GTF2I: variants seen among roughly 807,000 people sequenced by gnomAD.
The protein encoded by GTF2I is general transcription factor IIi.
GTF2I carries 12 observed loss-of-function variants against 67.6 expected under a neutral mutation model. That is an observed-to-expected ratio of 0.18 (90% CI 0.11 to 0.29). GTF2I has a LOEUF of 0.29. Among genes scored for constraint, GTF2I ranks in the 10% least tolerant of loss-of-function variants. The pLI is 1.00. For synonymous variants in GTF2I, 149 were observed against 197.0 expected (o/e 0.76, Z 2.04); for missense variants, 271 against 580.1 (o/e 0.47, Z 5.47).
intron 1 of GTF2I, among the ~76,000 whole-genome samples, chr7:74,673,561 A>G (rs778027265): frequency 6.7e-6 from 1 of 150,264 alleles, no homozygotes; most frequent in Non-Finnish European, 1.5e-5. Flanking sequence ...TTGTATTTTT[A>G]GTAGAGACAA....
At position 74,725,323 on chromosome 7, in the gene GTF2I, C is replaced by T. The variant is rs587614685; in HGVS notation, c.944-3463C>T. Among the ~76,000 whole-genome samples the T allele has an allele frequency of 2.0e-5, 3 of 152,166 alleles. No homozygotes were observed. The South Asian group carries it at 6.2e-4, about 32-fold the overall frequency. On this transcript the variant is annotated intron_variant, in intron 12 of 34. Transcript: ENST00000573035. ...GCCATGTTCCATATGACTTAAAACACCCAAAGATTAATTAATAAGTTTATG... is the reference window on the plus strand; with the variant it reads ...GCCATGTTCCATATGACTTAAAACATCCAAAGATTAATTAATAAGTTTATG...
intron 1 of GTF2I, among the ~76,000 whole-genome samples, chr7:74,686,710 G>A (rs1787753577): frequency 6.6e-6 from 1 of 152,100 alleles, no homozygotes; most frequent in South Asian, 2.1e-4. Context: ...AATTCACTTA[G>A]TTTTATCCAA....
Position 74,689,348 on chromosome 7 carries a change from CTTTTTTTTTTTTT to C in GTF2I, c.99+133_99+145del, listed in dbSNP as rs1162860651. On this transcript the variant is annotated intron_variant, in intron 2 of 34. Transcript: ENST00000573035. ...AGTTTTAATGAGTACTTTTTCTTTA[CTTTTTTTTTTTTT>C]TTTTTTTTTTTGAGACGGAGTCTTG... 5.4e-4 allele frequency: 79 copies of C among 145,272 alleles called. 1 individual carries two copies. Among genetic ancestry groups the C allele is most frequent in the African/African-American group, 3.1e-3 (70 of 22,830 alleles). The allele number at this position is 145,272 out of a possible 1,614,324, so 9.0% of individuals were successfully genotyped here.
chr7:74,658,569 T>C (rs1157919274), intron 1 of GTF2I, among the ~76,000 whole-genome samples: 1 of 149,354 alleles, frequency 6.7e-6, no homozygotes, highest in African/African-American at 2.5e-5. Context: ...CTGGTGTATC[T>C]GGGGCTCCTG....
At chr7:74,712,861 G>A (rs781868266) in intron 9 of GTF2I, among the ~76,000 whole-genome samples, 2 of 151,886 alleles carry the variant, frequency 1.3e-5, no homozygotes, top group Non-Finnish European at 2.9e-5. Flanking sequence ...AATACAGTTC[G>A]TTTTTTCGTT....
Position 74,679,363 on chromosome 7 carries a change from G to C in GTF2I, c.-5-9761G>C, listed in dbSNP as rs587723403. On this transcript the variant is annotated intron_variant, in intron 1 of 34. Coordinates refer to ENST00000573035, the MANE Select transcript of GTF2I (RefSeq NM_032999.4). Reference sequence around the variant, plus strand: ...AATGCTGGGATTACAGGCGTGAGCCGCTGCCATATTTTCCATTTATTTTTT... The same window carrying C: ...AATGCTGGGATTACAGGCGTGAGCCCCTGCCATATTTTCCATTTATTTTTT... Among the ~76,000 whole-genome samples, 870 of 151,578 alleles carry C rather than the reference G, an allele frequency of 5.7e-3. 10 individuals are homozygous for C. Among genetic ancestry groups the C allele is most frequent in the African/African-American group, 0.02 (825 of 41,372 alleles).
intron 3 of GTF2I, among the ~76,000 whole-genome samples, chr7:74,698,381 C>A (rs1789236432): frequency 6.8e-6 from 1 of 147,492 alleles, no homozygotes; most frequent in African/African-American, 2.5e-5. Flanking sequence ...TGAGCCACCG[C>A]ACCTGGCCTT....
At chr7:74,663,859 C>T (rs933349816) in intron 1 of GTF2I, among the ~76,000 whole-genome samples, 24 of 151,830 alleles carry the variant, frequency 1.6e-4, no homozygotes, top group African/African-American at 4.6e-4. Context: ...GACAGAGTCT[C>T]GCTTTTGTCA....
At chr7:74,678,249 T>C (rs1217036083) in intron 1 of GTF2I, among the ~76,000 whole-genome samples, 2 of 149,570 alleles carry the variant, frequency 1.3e-5, no homozygotes, top group Non-Finnish European at 3.0e-5. Context: ...AACTCAAGCC[T>C]GTTGAATAAT....
chr7:74,697,754 C>A (rs1789088552), intron 3 of GTF2I, among the ~76,000 whole-genome samples: 1 of 152,044 alleles, frequency 6.6e-6, no homozygotes, highest in Admixed American at 6.6e-5. Context: ...CCTTTTAAAT[C>A]TCCATCTCCC....
intron 14 of GTF2I, among the ~76,000 whole-genome samples, chr7:74,731,324 A>G (rs1253476619): frequency 4.3e-4 from 62 of 143,332 alleles, no homozygotes; most frequent in Non-Finnish European, 6.4e-4. Flanking sequence ...GCAATAAACC[A>G]TATTGATGGT....
intron 12 of GTF2I, among the ~76,000 whole-genome samples, chr7:74,724,203 A>G (rs938740040): frequency 6.6e-6 from 1 of 152,230 alleles, no homozygotes; most frequent in Non-Finnish European, 1.5e-5. Flanking sequence ...TAGAGGAGCT[A>G]TAAGTGGTAT....
chr7:74,685,103 C>T (rs1176932479), intron 1 of GTF2I, among the ~76,000 whole-genome samples: 2 of 152,176 alleles, frequency 1.3e-5, no homozygotes, highest in Non-Finnish European at 2.9e-5. Flanking sequence ...TGAAAAGCAA[C>T]CAATTAGAGG....
intron 1 of GTF2I, among the ~76,000 whole-genome samples, chr7:74,662,713 G>A (rs988504952): frequency 6.6e-6 from 1 of 151,644 alleles, no homozygotes; most frequent in Non-Finnish European, 1.5e-5. Context: ...TAGTAGACAC[G>A]GGGTTTCATC....
rs782306713 is a variant in GTF2I, at chr7:74,714,850, C to T, written c.764-7C>T. 69 of 1,594,038 alleles carry T rather than the reference C, an allele frequency of 4.3e-5. 1 individual carries two copies. In the South Asian group the frequency reaches 7.3e-4, roughly 17 times the overall value. On this transcript the variant is annotated splice_region_variant and splice_polypyrimidine_tract_variant and intron_variant, in intron 9 of 34. Transcript: ENST00000573035. ...TACTTTTGAAGTATTATCTTTGTAT[C>T]CCAAAGCAGGCCCTTCTGAAACTGA...
chr7:74,689,456 G>A (rs1048258731), intron 2 of GTF2I, among the ~76,000 whole-genome samples: 1 of 147,676 alleles, frequency 6.8e-6, no homozygotes, highest in Admixed American at 7.0e-5. Context: ...CCGGGTTCAA[G>A]CGATTCTCCT....
At chr7:74,717,002 C>G (rs1562971403) in intron 11 of GTF2I, 52 bp downstream of exon 11, 1 of 1,551,946 alleles carries the variant, frequency 6.4e-7, no homozygotes, top group Non-Finnish European at 8.9e-7. Context: ...TATGTTTATT[C>G]TATTTTATAG....
At chr7:74,702,086 G>T (rs1789856371) in intron 6 of GTF2I, among the ~76,000 whole-genome samples, 1 of 152,018 alleles carries the variant, frequency 6.6e-6, no homozygotes, top group African/African-American at 2.4e-5. Flanking sequence ...TAGATATTTT[G>T]GTTGTTTCCA....
At chr7:74,674,567 T>C (rs1331100358) in intron 1 of GTF2I, among the ~76,000 whole-genome samples, 3 of 152,082 alleles carry the variant, frequency 2.0e-5, no homozygotes, top group Admixed American at 1.3e-4. Flanking sequence ...AGATGGAGTT[T>C]CACTCTTGTT....
Sources: gnomAD v4.1 joint callset for allele counts (sites outside exome capture counted in the v4.1 genomes callset) on GRCh38, gnomAD v4.1.1 for gene constraint, MANE v1.5 for transcripts, NCBI Gene and HGNC (gene_info 2026-07-23, HGNC 2026-07-21) for gene names.